The following SOX5 variants were observed in gnomAD, a reference collection of about 807,000 sequenced individuals.
SOX5 encodes SRY-box transcription factor 5.
In SOX5, 9 loss-of-function variants were observed where a neutral mutation model predicts 92.0. That is an observed-to-expected ratio of 0.10 (90% CI 0.06 to 0.17). The LOEUF (loss-of-function observed/expected upper bound fraction) is 0.17, where lower values mean the gene tolerates loss of function less well. Ranked by LOEUF, SOX5 falls within the 10% of genes least tolerant of loss-of-function variation. SOX5 has a pLI of 1.00. For synonymous variants in SOX5, 344 were observed against 336.3 expected (o/e 1.02, Z -0.25); for missense variants, 642 against 944.5 (o/e 0.68, Z 4.20).
At chr12:24,240,419 T>G (rs2140054779) in intron 3 of SOX5, among the ~76,000 whole-genome samples, 1 of 152,286 alleles carries the variant, frequency 6.6e-6, no homozygotes, top group East Asian at 1.9e-4. Context: ...CAACAACTAC[T>G]TTTCCGTACA....
intron 4 of SOX5, among the ~76,000 whole-genome samples, chr12:24,094,767 C>A (rs1176626154): frequency 1.3e-5 from 2 of 152,156 alleles, no homozygotes; most frequent in African/African-American, 4.8e-5. Context: ...ACCATTGCCA[C>A]ACATCTTGCA....
At chr12:24,254,458 T>C (rs897266619) in intron 3 of SOX5, among the ~76,000 whole-genome samples, 3 of 151,700 alleles carry the variant, frequency 2.0e-5, no homozygotes, top group Non-Finnish European at 4.4e-5. Context: ...CTCACCTTCC[T>C]TACCCATGCT....
chr12:23,919,781 T>A (rs1014682460), intron 1 of SOX5, among the ~76,000 whole-genome samples: 6 of 152,180 alleles, frequency 3.9e-5, no homozygotes, highest in African/African-American at 1.4e-4. Context: ...CACTACATGG[T>A]TTCTACTGGA....
chr12:23,651,424 T>C (rs543963730), intron 7 of SOX5, among the ~76,000 whole-genome samples: 2 of 152,174 alleles, frequency 1.3e-5, no homozygotes, highest in Non-Finnish European at 2.9e-5. Flanking sequence ...TAAAGCATTA[T>C]GCAAATGTAT....
intron 4 of SOX5, among the ~76,000 whole-genome samples, chr12:23,971,152 T>C (rs543568490): frequency 4.8e-5 from 4 of 82,534 alleles, no homozygotes; most frequent in African/African-American, 2.2e-4. Context: ...AGAGGGAGTC[T>C]TGCTCTGTCG....
At chr12:23,729,063 T>C (rs1050340251) in intron 6 of SOX5, among the ~76,000 whole-genome samples, 1 of 152,020 alleles carries the variant, frequency 6.6e-6, no homozygotes, top group Non-Finnish European at 1.5e-5. Context: ...AGTTCTCCTC[T>C]TGCTGGAAAC....
intron 1 of SOX5, among the ~76,000 whole-genome samples, chr12:24,385,047 T>G (rs1163558305): frequency 6.6e-6 from 1 of 152,152 alleles, no homozygotes; most frequent in Admixed American, 6.5e-5. Context: ...ACAGACCACA[T>G]TCATATAATT....
chr12:24,497,836 T>C (rs1184705757), intron 1 of SOX5, among the ~76,000 whole-genome samples: 1 of 152,186 alleles, frequency 6.6e-6, no homozygotes, highest in African/African-American at 2.4e-5. Flanking sequence ...AAAGAAAATG[T>C]GGTACATATG....
intron 6 of SOX5, among the ~76,000 whole-genome samples, chr12:23,684,928 GA>G (rs1369799346): frequency 6.6e-6 from 1 of 152,108 alleles, no homozygotes; most frequent in African/African-American, 2.4e-5. Context: ...TATCAGAATG[GA>G]AAAGTGTGGG....
intron 9 of SOX5, among the ~76,000 whole-genome samples, chr12:23,586,712 T>C (rs1950799164): frequency 6.6e-6 from 1 of 151,746 alleles, no homozygotes; most frequent in Non-Finnish European, 1.5e-5. Flanking sequence ...GTTGGAAGAT[T>C]AAGTCTCAAA....
At chr12:23,951,005 T>A (rs912211541), upstream of SOX5, 85 of 616,900 alleles carry the variant, frequency 1.4e-4, no homozygotes, top group Middle Eastern at 1.3e-3. Context: ...ACACACACAC[T>A]CACTCACGCA....
intron 1 of SOX5, among the ~76,000 whole-genome samples, chr12:23,923,921 T>C (rs1939195041): frequency 6.6e-6 from 1 of 152,222 alleles, no homozygotes; most frequent in South Asian, 2.1e-4. Flanking sequence ...TTTGAATTTA[T>C]CTTTCACTTC....
intron 1 of SOX5, among the ~76,000 whole-genome samples, chr12:24,376,629 T>G (rs1296335252): frequency 1.3e-5 from 2 of 150,568 alleles, no homozygotes; most frequent in Non-Finnish European, 2.9e-5. Context: ...GTAGGCAATG[T>G]GCTAAGCATT....
chr12:23,917,068 T>G (rs1426582103), intron 1 of SOX5, among the ~76,000 whole-genome samples: 2 of 152,226 alleles, frequency 1.3e-5, no homozygotes, highest in Non-Finnish European at 2.9e-5. Context: ...ATTCCTTAAT[T>G]CATTTAATAT....
At chr12:23,689,487 A>G (rs1410757981) in intron 6 of SOX5, among the ~76,000 whole-genome samples, 4 of 152,100 alleles carry the variant, frequency 2.6e-5, no homozygotes, top group Admixed American at 2.0e-4. Flanking sequence ...ATTATTGACT[A>G]TGCTTCTTCA....
intron 5 of SOX5, among the ~76,000 whole-genome samples, chr12:23,739,333 C>T (rs1029061827): frequency 2.6e-5 from 4 of 152,282 alleles, no homozygotes; most frequent in African/African-American, 9.6e-5. Flanking sequence ...AGTTCATAGG[C>T]ATTGCCTCCA....
chr12:23,693,967 T>A (rs2089363558), intron 6 of SOX5, among the ~76,000 whole-genome samples: 1 of 152,164 alleles, frequency 6.6e-6, no homozygotes, highest in Non-Finnish European at 1.5e-5. Context: ...GTAAAGTTGT[T>A]ATTTTGGCAG....
intron 2 of SOX5, among the ~76,000 whole-genome samples, chr12:24,357,817 G>A (rs1204673127): frequency 6.7e-6 from 1 of 148,628 alleles, no homozygotes; most frequent in African/African-American, 2.5e-5. Context: ...CTCCAGCCTG[G>A]GTGACAGAGC....
chr12:24,142,536 A>C (rs1950687609), intron 4 of SOX5, among the ~76,000 whole-genome samples: 1 of 152,142 alleles, frequency 6.6e-6, no homozygotes, highest in African/African-American at 2.4e-5. Context: ...TTTTTACGTA[A>C]AGCACAAACT....
Sources: gnomAD v4.1 joint callset for allele counts (sites outside exome capture counted in the v4.1 genomes callset) on GRCh38, gnomAD v4.1.1 for gene constraint, MANE v1.5 for transcripts, NCBI Gene and HGNC (gene_info 2026-07-23, HGNC 2026-07-21) for gene names.